MCF2L: variants seen among roughly 807,000 people sequenced by gnomAD.
MCF2L encodes MCF.2 cell line derived transforming sequence like, also known as guanine nucleotide exchange factor DBS.
In MCF2L, 97 loss-of-function variants were observed where a neutral mutation model predicts 153.4. The observed-to-expected ratio is 0.63, with a 90% CI of 0.54 to 0.75. The LOEUF (loss-of-function observed/expected upper bound fraction) is 0.75. MCF2L is among the 30% of genes least tolerant of loss of function. The pLI is 0.00. For missense variants in MCF2L, 1,347 were observed against 1,495.2 expected (o/e 0.90, Z 1.64); for synonymous variants, 659 against 632.2 (o/e 1.04, Z -0.64).
intron 18 of MCF2L, 70 bp from the exon 19 acceptor site, chr13:113,084,822 G>A: frequency 1.7e-6 from 2 of 1,183,672 alleles, no homozygotes; most frequent in Non-Finnish European, 2.5e-6. Context: ...GTAATGCGGT[G>A]CCCGTCCCTC....
Position 113,070,168 on chromosome 13 carries a change from C to G in MCF2L, c.991C>G (p.Arg331Gly). 1 of 1,592,120 alleles carries G rather than the reference C, an allele frequency of 6.3e-7. No individual in the cohort carries two copies. Among genetic ancestry groups the G allele is most frequent in the Middle Eastern group, 1.7e-4 (1 of 6,004 alleles). Reference sequence around the variant, plus strand: ...GCTCCGGCACTTTGAGCAGGGCTTCCGGGAGGTGAGTGGCCCTGGGTGGAG... The same window carrying G: ...GCTCCGGCACTTTGAGCAGGGCTTCGGGGAGGTGAGTGGCCCTGGGTGGAG... ...LQLRHFEQGF[R>G]EVKAILDAAS... The change falls in exon 9 of 30, where the codon CGG (arginine) becomes GGG (glycine). Residue 331 changes from arginine (R) to glycine (G), a missense_variant. Physicochemically the swap from Arg to Gly is moderately radical, Grantham distance 125. Around this residue, in one of 3 missense-constraint regions of MCF2L, gnomAD observed 820 missense variants for 921.2 expected, o/e 0.89. Transcript: ENST00000535094. This position sits in a 1 kb window ranked among gnomAD's most constrained non-coding sequence, Gnocchi z 5.6.
chr13:113,065,867 C>A (rs1441891453), intron 7 of MCF2L, among the ~76,000 whole-genome samples, 179 bp from the exon 8 acceptor site: 2 of 152,228 alleles, frequency 1.3e-5, no homozygotes, highest in East Asian at 3.8e-4. Context: ...AGGGAGGCCC[C>A]CACATCACCC....
At chr13:113,066,890 T>G (rs1370259956) in intron 8 of MCF2L, among the ~76,000 whole-genome samples, 12 of 152,232 alleles carry the variant, frequency 7.9e-5, no homozygotes, top group Admixed American at 7.8e-4. Context: ...CTGGTCCTTT[T>G]GACTCTCAGC....
At chr13:112,915,044 T>C (rs139952276) in intron 2 of MCF2L, among the ~76,000 whole-genome samples, 4 of 152,230 alleles carry the variant, frequency 2.6e-5, no homozygotes, top group African/African-American at 9.6e-5. Flanking sequence ...CTTGGATTGA[T>C]TTTGTTGTAT....
intron 3 of MCF2L, chr13:113,024,962 A>G: frequency 1.9e-6 from 1 of 519,850 alleles, no homozygotes; most frequent in Non-Finnish European, 3.5e-6. Flanking sequence ...GGGTCAGGGC[A>G]GAGTCTCTGT....
Position 113,035,162 on chromosome 13 carries a change from G to A in MCF2L, c.279-10109G>A, listed in dbSNP as rs554008281. Among the ~76,000 whole-genome samples, 7 of 152,312 alleles carry A rather than the reference G, an allele frequency of 4.6e-5. No individual in the cohort carries two copies. In the South Asian group the frequency reaches 1.0e-3, roughly 23 times the overall value. On this transcript the variant is annotated intron_variant, in intron 3 of 29. Transcript: ENST00000535094. The surrounding 1 kb of genome is among the most constrained non-coding windows in gnomAD (Gnocchi z 4.4). ...CACACGAGGGTGCAGCTGGGCAACC[G>A]CAGCTTTTGGAAAAATGTTGAAACT...
intron 2 of MCF2L, among the ~76,000 whole-genome samples, chr13:112,953,326 T>C (rs1170637039): frequency 3.3e-5 from 5 of 152,160 alleles, no homozygotes; most frequent in Non-Finnish European, 5.9e-5. Context: ...TGGGGTTGCC[T>C]GGCCCCCTTC....
chr13:112,899,022 G>A (rs1029411809), intron 1 of MCF2L, among the ~76,000 whole-genome samples: 1 of 152,238 alleles, frequency 6.6e-6, no homozygotes, highest in African/African-American at 2.4e-5. Flanking sequence ...GGTGGCTGCT[G>A]AACCTGCGGA....
At chr13:112,911,069 G>T (rs1484481311) in intron 2 of MCF2L, among the ~76,000 whole-genome samples, 1 of 152,206 alleles carries the variant, frequency 6.6e-6, no homozygotes, top group Non-Finnish European at 1.5e-5. Context: ...CCGCTCCCCG[G>T]CGTCAGCTGG....
chr13:112,935,476 C>T (rs921868439), intron 2 of MCF2L, among the ~76,000 whole-genome samples: 17 of 152,172 alleles, frequency 1.1e-4, no homozygotes, highest in Middle Eastern at 6.8e-3. Context: ...AGGCTGGTCT[C>T]GAACTCCTGA....
intron 12 of MCF2L, among the ~76,000 whole-genome samples, 168 bp from the exon 13 acceptor site, chr13:113,076,884 C>T (rs925188893): frequency 3.3e-5 from 5 of 152,272 alleles, no homozygotes; most frequent in Admixed American, 1.3e-4. Context: ...TCCCCCTCTC[C>T]GTCCGTAGTG....
chr13:113,081,717 G>A (rs939074013), intron 16 of MCF2L, among the ~76,000 whole-genome samples: 1 of 152,222 alleles, frequency 6.6e-6, no homozygotes, highest in Admixed American at 6.5e-5. Flanking sequence ...GTATAGACAG[G>A]CATCTCATTC....
chr13:113,006,137 C>A (rs2083679899), intron 1 of MCF2L, among the ~76,000 whole-genome samples: 1 of 152,234 alleles, frequency 6.6e-6, no homozygotes, highest in South Asian at 2.1e-4. Context: ...ACTCACCCAT[C>A]AGCCTGGAAA....
rs910607599 is a variant in MCF2L, at chr13:113,014,097, A to G, written c.80-666A>G. ...AGTGCTCCCAGCTGGTACTGGCCCC[A>G]TGCTCCCCCCGTGCTCCCAGCCAGT... On this transcript the variant is annotated intron_variant, in intron 1 of 29. Transcript: ENST00000535094. Among the ~76,000 whole-genome samples, 13 of 152,122 alleles carry G rather than the reference A, an allele frequency of 8.5e-5. 1 individual carries two copies. The highest frequency in any genetic ancestry group is 2.4e-4 in the African/African-American group (10 of 41,500).
In MCF2L at chr13:113,013,795, G is replaced by A. The variant is rs190436185; in HGVS notation, c.80-968G>A. On this transcript the variant is annotated intron_variant, in intron 1 of 29. Coordinates refer to ENST00000535094, the MANE Select transcript of MCF2L (RefSeq NM_001112732.3). Reference sequence around the variant, plus strand: ...GTTGGCCAGAAATCGTGTCTGCTCCGTGGTCAGTGGTCAGTGTCCCCCAGG... The same window carrying A: ...GTTGGCCAGAAATCGTGTCTGCTCCATGGTCAGTGGTCAGTGTCCCCCAGG... Among the ~76,000 whole-genome samples, 12 of 152,344 alleles carry A rather than the reference G, an allele frequency of 7.9e-5. No individual in the cohort carries two copies. The Middle Eastern group carries it at 0.01, about 130-fold the overall frequency.
At chr13:112,985,436 C>T (rs908758123) in intron 1 of MCF2L, 1 of 471,016 alleles carries the variant, frequency 2.1e-6, no homozygotes, top group Non-Finnish European at 4.4e-6. Context: ...AAAGCTACTA[C>T]CTGTATTCTG....
At position 113,082,553 on chromosome 13, in the gene MCF2L, C is replaced by T; in HGVS notation, c.1991+11C>T. The T allele has an allele frequency of 6.5e-7, 1 of 1,549,792 alleles. No homozygotes were observed. Among genetic ancestry groups the T allele is most frequent in the South Asian group, 1.1e-5 (1 of 89,292 alleles). ...TCACTTCCACAACAGGTGGGCCCTT[C>T]CCCCCGACACAGGCACGCACCCGTG... On this transcript the variant is annotated intron_variant, in intron 17 of 29. Transcript: ENST00000535094.
At chr13:113,095,961 AG>A in intron 27 of MCF2L, 1 of 430,296 alleles carries the variant, frequency 2.3e-6, no homozygotes, top group Non-Finnish European at 3.6e-6. Context: ...GAGGTTGGGC[AG>A]GACAGCTGCA....
rs958725335 is a variant in MCF2L at position 112,960,282 on chromosome 13, C to G, written c.170-54481C>G. Among the ~76,000 whole-genome samples the G allele has an allele frequency of 1.3e-5, 2 of 152,072 alleles. No individual in the cohort carries two copies. The highest frequency in any genetic ancestry group is 2.4e-5 in the African/African-American group (1 of 41,408). On this transcript the variant is annotated intron_variant, in intron 2 of 29. Transcript: ENST00000375608. The surrounding 1 kb of genome is among the most constrained non-coding windows in gnomAD (Gnocchi z 4.2). ...TCACCCGGTGAGAGAGCGGAGAGAC[C>G]GAGAGGGGGCCAAGCGCGCTCTCAC...
Sources: allele counts gnomAD v4.1 joint callset (sites outside exome capture counted in the v4.1 genomes callset), GRCh38; gene constraint gnomAD v4.1.1; regional missense constraint gnomAD v4.1.1; non-coding constraint Gnocchi (gnomAD v3.1); transcripts MANE v1.5; gene names NCBI Gene and HGNC (gene_info 2026-07-23, HGNC 2026-07-21).